PTCHD4: variants seen among roughly 807,000 people sequenced by gnomAD.
PTCHD4 encodes the protein patched domain-containing protein 4.
In PTCHD4, 33 loss-of-function variants were observed where a neutral mutation model predicts 58.1. The observed-to-expected ratio is 0.57, with a 90% CI of 0.43 to 0.76. The LOEUF (loss-of-function observed/expected upper bound fraction) is 0.76, where lower values mean the gene tolerates loss of function less well. Ranked by LOEUF, PTCHD4 falls within the 30% of genes least tolerant of loss-of-function variation. The pLI is 0.00. For missense variants in PTCHD4, 1,058 were observed against 1,027.1 expected, an observed-to-expected ratio of 1.03 and a Z score of -0.41; for synonymous variants, 478 against 409.6, an observed-to-expected ratio of 1.17 and a Z score of -2.02.
intron 4 of PTCHD4, among the ~76,000 whole-genome samples, chr6:47,948,357 C>T (rs1462573475): frequency 1.3e-5 from 2 of 152,158 alleles, no homozygotes; most frequent in African/African-American, 4.8e-5. Flanking sequence ...AATATAATCA[C>T]AGAAGTGGCA....
At chr6:47,893,246 T>C (rs1764434235) in intron 4 of PTCHD4, among the ~76,000 whole-genome samples, 5 of 152,132 alleles carry the variant, frequency 3.3e-5, no homozygotes, top group Admixed American at 3.3e-4. Flanking sequence ...CTTGACCTCA[T>C]GATCTGTCCA....
chr6:47,943,819 T>C (rs908341826), intron 4 of PTCHD4, among the ~76,000 whole-genome samples: 2 of 152,102 alleles, frequency 1.3e-5, no homozygotes, highest in African/African-American at 4.8e-5. Context: ...AAATCAGGCA[T>C]TTGAACACAG....
At chr6:47,974,658 C>T (rs1327174986) in intron 4 of PTCHD4, among the ~76,000 whole-genome samples, 3 of 152,156 alleles carry the variant, frequency 2.0e-5, no homozygotes, top group Admixed American at 6.5e-5. Flanking sequence ...GGCAAAATTG[C>T]CCCTGGTTGA....
intron 4 of PTCHD4, among the ~76,000 whole-genome samples, chr6:47,921,293 C>T (rs549830022): frequency 6.6e-6 from 1 of 152,246 alleles, no homozygotes; most frequent in Non-Finnish European, 1.5e-5. Context: ...GTTAATAGTA[C>T]ATTACACATT....
intron 3 of PTCHD4, among the ~76,000 whole-genome samples, chr6:48,028,260 G>GTT (rs149937854): frequency 2.3e-4 from 35 of 151,334 alleles, no homozygotes; most frequent in Admixed American, 1.1e-3. Context: ...TTTCTCTTTT[G>GTT]TTTTTTTTGA....
chr6:48,004,012 C>T (rs1269634303), intron 4 of PTCHD4, among the ~76,000 whole-genome samples: 1 of 152,260 alleles, frequency 6.6e-6, no homozygotes, highest in East Asian at 1.9e-4. Flanking sequence ...TTATTTATAT[C>T]ACCTAGAAAT....
chr6:47,914,516 C>T (rs1765170497), intron 4 of PTCHD4, among the ~76,000 whole-genome samples: 1 of 151,936 alleles, frequency 6.6e-6, no homozygotes, highest in African/African-American at 2.4e-5. Flanking sequence ...GAACTTACAC[C>T]ATTGTCTCTC....
At chr6:47,889,696 A>C (rs1182339209) in intron 4 of PTCHD4, among the ~76,000 whole-genome samples, 2 of 151,380 alleles carry the variant, frequency 1.3e-5, no homozygotes, top group Admixed American at 6.6e-5. Context: ...CTTATACTAA[A>C]ATCAATTCAA....
At chr6:47,885,398 G>A (rs182574490) in intron 4 of PTCHD4, among the ~76,000 whole-genome samples, 64 of 152,198 alleles carry the variant, frequency 4.2e-4, no homozygotes, top group Middle Eastern at 3.4e-3. Context: ...TTGCTAACAT[G>A]CCCCCATTTA....
At chr6:47,999,521 ATACTGTAAAG>A (rs1311340273) in intron 4 of PTCHD4, among the ~76,000 whole-genome samples, 3 of 152,166 alleles carry the variant, frequency 2.0e-5, no homozygotes, top group Non-Finnish European at 4.4e-5. Context: ...GACATTTCTA[ATACTGTAAAG>A]TAATCATTAT....
chr6:47,918,304 T>A (rs1765323022), intron 4 of PTCHD4, among the ~76,000 whole-genome samples: 1 of 152,280 alleles, frequency 6.6e-6, no homozygotes, highest in Admixed American at 6.5e-5. Context: ...AGAATGCTTT[T>A]GCATTTTAAA....
At chr6:48,100,463 T>G (rs1170624721) in intron 1 of PTCHD4, among the ~76,000 whole-genome samples, 5 of 152,182 alleles carry the variant, frequency 3.3e-5, no homozygotes, top group African/African-American at 9.6e-5. Context: ...CAACAGTAAC[T>G]GTTCTAACGT....
At chr6:47,996,785 G>A (rs113040692) in intron 4 of PTCHD4, among the ~76,000 whole-genome samples, 97 of 152,256 alleles carry the variant, frequency 6.4e-4, no homozygotes, top group African/African-American at 2.1e-3. Flanking sequence ...ACTTACACTT[G>A]AAACACCCAA....
At chr6:47,930,070 G>T (rs769245864) in intron 4 of PTCHD4, among the ~76,000 whole-genome samples, 4 of 152,068 alleles carry the variant, frequency 2.6e-5, no homozygotes, top group African/African-American at 4.8e-5. Flanking sequence ...CATGCCCTTT[G>T]GTTAAAGCTG....
chr6:47,998,697 A>G (rs745786363), intron 4 of PTCHD4, among the ~76,000 whole-genome samples: 1 of 152,176 alleles, frequency 6.6e-6, no homozygotes, highest in Non-Finnish European at 1.5e-5. Context: ...AATGCTTGAC[A>G]TAAAATTCAC....
chr6:48,003,882 C>A (rs1306895408), intron 4 of PTCHD4, among the ~76,000 whole-genome samples: 1 of 152,190 alleles, frequency 6.6e-6, no homozygotes, highest in African/African-American at 2.4e-5. Flanking sequence ...ACATATATTT[C>A]TCTCTGCCAG....
chr6:48,009,297 A>G (rs1220437992), intron 3 of PTCHD4, among the ~76,000 whole-genome samples, 183 bp from the exon 4 acceptor site: 1 of 152,228 alleles, frequency 6.6e-6, no homozygotes, highest in Non-Finnish European at 1.5e-5. Flanking sequence ...GATACCATGT[A>G]TGATGATCAA....
intron 3 of PTCHD4, among the ~76,000 whole-genome samples, chr6:48,053,911 A>G (rs2114175656): frequency 6.6e-6 from 1 of 152,182 alleles, no homozygotes; most frequent in East Asian, 1.9e-4. Flanking sequence ...GAGACCCCAA[A>G]CTTGGCCTGA....
chr6:48,072,115 T>A (rs1029522531), intron 1 of PTCHD4, among the ~76,000 whole-genome samples: 5 of 152,282 alleles, frequency 3.3e-5, no homozygotes, highest in Admixed American at 2.0e-4. Flanking sequence ...TGTGTTTTTT[T>A]GGACAGAAGT....
Sources: gnomAD v4.1 joint callset for allele counts (sites outside exome capture counted in the v4.1 genomes callset) on GRCh38, gnomAD v4.1.1 for gene constraint, MANE v1.5 for transcripts, NCBI Gene and HGNC (gene_info 2026-07-23, HGNC 2026-07-21) for gene names.